The following KARS1 variants were observed in gnomAD, a reference collection of about 807,000 sequenced individuals.
The protein encoded by KARS1 is lysine--tRNA ligase.
In KARS1, 50 loss-of-function variants were observed where a neutral mutation model predicts 63.9. The ratio of observed to expected loss-of-function variants is 0.78; its 90% CI spans 0.62 to 0.99. The LOEUF is 0.99. KARS1 is among the 50% of genes least tolerant of loss of function. The probability of loss-of-function intolerance (pLI) is 0.00; values close to 1 mark genes in which losing one functional copy is unlikely to be tolerated. For missense variants in KARS1, 816 were observed against 754.5 expected, an observed-to-expected ratio of 1.08 and a Z score of -0.95; for synonymous variants, 320 against 264.6, an observed-to-expected ratio of 1.21 and a Z score of -2.03.
At chr16:75,641,042 G>A (rs1173081956) in intron 2 of KARS1, among the ~76,000 whole-genome samples, 1 of 152,074 alleles carries the variant, frequency 6.6e-6, no homozygotes, top group Non-Finnish European at 1.5e-5. Context: ...AGTGGTGTGC[G>A]CCTCTAATAC....
intron 7 of KARS1, 140 bp downstream of exon 7, chr16:75,634,033 T>G: frequency 1.1e-6 from 1 of 881,256 alleles, no homozygotes; most frequent in Non-Finnish European, 1.9e-6. Flanking sequence ...GTTACTCACA[T>G]CCACACACCT....
intron 7 of KARS1, among the ~76,000 whole-genome samples, chr16:75,632,501 G>A (rs569754925): frequency 9.2e-5 from 14 of 152,298 alleles, no homozygotes; most frequent in African/African-American, 3.4e-4. Context: ...ACTTCAGCAT[G>A]GAAACTACTA....
rs780720908 is a variant in KARS1, at chr16:75,640,283, G to C, written c.289C>G (p.His97Asp). 1.2e-6 allele frequency: 2 copies of C among 1,613,460 alleles called. No homozygotes were observed. Among genetic ancestry groups the C allele is most frequent in the South Asian group, 1.1e-5 (1 of 91,064 alleles). ...AGTGAGATGTCTACATGGAACTTGT[G>C]TGGGTATGGGTCTTCCCCATTGACC... The part of the protein sequence containing the change: ...LKVNGEDPYP[H>D]KFHVDISLTD... The change falls in exon 3 of 14, where the codon CAC (histidine) becomes GAC (aspartate). Residue 97 changes from histidine to aspartate, a missense_variant. Coordinates refer to ENST00000302445, the MANE Select transcript of KARS1 (RefSeq NM_005548.3).
At chr16:75,641,810 TC>T in intron 1 of KARS1, 87 bp from the exon 2 acceptor site, 1 of 1,408,080 alleles carries the variant, frequency 7.1e-7, no homozygotes, top group Non-Finnish European at 1.0e-6. Flanking sequence ...AAAACATGAA[TC>T]GCCCAGGAGA....
intron 3 of KARS1, among the ~76,000 whole-genome samples, chr16:75,638,527 A>G (rs1325472882): frequency 6.6e-6 from 1 of 152,212 alleles, no homozygotes; most frequent in Non-Finnish European, 1.5e-5. Flanking sequence ...AATGAGCTGA[A>G]AGACATGAAG....
At chr16:75,646,042 C>T (rs900516115) in intron 1 of KARS1, among the ~76,000 whole-genome samples, 10 of 152,126 alleles carry the variant, frequency 6.6e-5, no homozygotes, top group African/African-American at 2.4e-4. Flanking sequence ...AGATATACCA[C>T]ATTCAATTAA....
rs188266903 is a variant in KARS1 at position 75,634,542 on chromosome 16, A to G, written c.796-250T>C. 2.3e-3 allele frequency among the ~76,000 whole-genome samples: 348 copies of G among 152,312 alleles called. 3 individuals are homozygous for G. Among genetic ancestry groups the G allele is most frequent in the African/African-American group, 7.7e-3 (318 of 41,562 alleles). On this transcript the variant is annotated intron_variant, in intron 6 of 13. Transcript: ENST00000302445. Reference sequence around the variant, plus strand: ...TCACAAGCTGTAAATTAGAATCTAAATGGATATAGCCTTTCTTGAGTTCAA... The same window carrying G: ...TCACAAGCTGTAAATTAGAATCTAAGTGGATATAGCCTTTCTTGAGTTCAA...
At chr16:75,633,604 G>A (rs1168690116) in intron 7 of KARS1, among the ~76,000 whole-genome samples, 5 of 145,434 alleles carry the variant, frequency 3.4e-5, no homozygotes, top group Non-Finnish European at 3.0e-5. Context: ...TGCAACCTCC[G>A]CCTCCCGGGT....
At chr16:75,637,900 C>CAAAAA (rs11386229) in intron 3 of KARS1, among the ~76,000 whole-genome samples, 1 of 93,770 alleles carries the variant, frequency 1.1e-5, no homozygotes, top group East Asian at 2.5e-4. Context: ...AAAAAGAGAC[C>CAAAAA]AAAAAAAAAA....
chr16:75,636,532 T>C lies in KARS1; in HGVS notation c.404A>G (p.Lys135Arg). 2 of 1,609,972 alleles carry C rather than the reference T, an allele frequency of 1.2e-6. No homozygotes were observed. Among genetic ancestry groups the C allele is most frequent in the Non-Finnish European group, 1.7e-6 (2 of 1,176,290 alleles). ...GATGAGCTTTCCCCCAGAAGCTCTT[T>C]TGGCATGGATCCTACCTAGAAAAAG... ...TLKVAGRIHAKRASGGKLIFY... is the reference protein window; with the variant it reads ...TLKVAGRIHARRASGGKLIFY... The change falls in exon 4 of 14, where the codon AAA becomes AGA. Residue 135 changes from lysine (K) to arginine (R), a missense_variant. Lys to Arg is a conservative substitution (Grantham distance 26, BLOSUM62 2). Transcript: ENST00000302445.
At chr16:75,640,122 C>T in intron 3 of KARS1, 62 bp downstream of exon 3, 1 of 1,420,412 alleles carries the variant, frequency 7.0e-7, no homozygotes, top group South Asian at 1.1e-5. Context: ...TTCCCTTGTG[C>T]TACTGAAGCC....
At chr16:75,638,432 G>A (rs2082188058) in intron 3 of KARS1, among the ~76,000 whole-genome samples, 1 of 151,418 alleles carries the variant, frequency 6.6e-6, no homozygotes, top group African/African-American at 2.4e-5. Context: ...TCCCCTCCCT[G>A]TGTCCATGTG....
chr16:75,631,326 G>C, intron 9 of KARS1, 73 bp from the exon 10 acceptor site: 2 of 1,573,020 alleles, frequency 1.3e-6, no homozygotes, highest in Non-Finnish European at 1.7e-6. Flanking sequence ...AAAGAGAATA[G>C]TGTGGGAAAT....
chr16:75,644,665 G>A (rs2082261947), intron 1 of KARS1, among the ~76,000 whole-genome samples: 1 of 152,180 alleles, frequency 6.6e-6, no homozygotes, highest in South Asian at 2.1e-4. Context: ...TCCTGACTAT[G>A]GAAAAAACAT....
intron 6 of KARS1, chr16:75,635,354 T>G (rs2082150601): frequency 3.0e-6 from 1 of 329,022 alleles, no homozygotes; most frequent in South Asian, 2.6e-5. Flanking sequence ...TTGTTTGAAT[T>G]TGTTTTATGG....
chr16:75,641,211 G>A (rs1053755244), intron 2 of KARS1, among the ~76,000 whole-genome samples: 2 of 112,320 alleles, frequency 1.8e-5, no homozygotes, highest in Admixed American at 1.8e-4. Flanking sequence ...AGGATAAAGT[G>A]GGGGCATGGA....
chr16:75,628,187 T>C (rs921619037), intron 13 of KARS1, among the ~76,000 whole-genome samples, 194 bp from the exon 14 acceptor site: 2 of 152,336 alleles, frequency 1.3e-5, no homozygotes, highest in Middle Eastern at 3.4e-3. Flanking sequence ...AACAAATGCA[T>C]AGCACTGCCT....
In KARS1 at chr16:75,636,446, C is replaced by A. The variant is rs377697859; in HGVS notation, c.482+8G>T. On this transcript the variant is annotated splice_region_variant and intron_variant, in intron 4 of 13. Transcript: ENST00000302445. ...AAGAAAGGTCTATAACTGGGTATTT[C>A]GAGATACCTGGAATTGGCCATGACT... 5.1e-6 allele frequency: 8 copies of A among 1,582,186 alleles called. No homozygotes were observed. The African/African-American group carries it at 1.1e-4, about 21-fold the overall frequency.
chr16:75,636,158 C>G, intron 4 of KARS1, 60 bp from the exon 5 acceptor site: 1 of 1,066,592 alleles, frequency 9.4e-7, no homozygotes, highest in Admixed American at 1.9e-5. Context: ...GACCACTGGT[C>G]TCCTCTGGAA....
Sources: gnomAD v4.1 joint callset for allele counts (sites outside exome capture counted in the v4.1 genomes callset) on GRCh38, gnomAD v4.1.1 for gene constraint, MANE v1.5 for transcripts, NCBI Gene and HGNC (gene_info 2026-07-23, HGNC 2026-07-21) for gene names.